Variants in VWA8 observed in about 807,000 individuals in gnomAD.
The protein encoded by VWA8 is von Willebrand factor A domain-containing protein 8.
A neutral mutation model predicts 241.5 loss-of-function variants in VWA8; 221 were observed. The observed-to-expected ratio is 0.91, with a 90% CI of 0.82 to 1.02. VWA8 has a LOEUF of 1.02. VWA8 is among the 50% of genes least tolerant of loss of function. The pLI, the probability that VWA8 is intolerant of heterozygous loss-of-function variation, is 0.00. For synonymous variants in VWA8, 852 were observed against 827.1 expected, an observed-to-expected ratio of 1.03 and a Z score of -0.52; for missense variants, 2,322 against 2,328.7, an observed-to-expected ratio of 1.00 and a Z score of 0.06.
chr13:41,692,855 T>G lies in VWA8; in HGVS notation c.3675+7A>C, dbSNP rs757847786. The G allele has an allele frequency of 6.2e-7, 1 of 1,601,588 alleles. No homozygotes were observed. ...GCAATTTGTGGGACAAATGTGGTGT[T>G]TCTTACAGCTTCTTCTTTGTTCCAC... On this transcript the variant is annotated splice_region_variant and intron_variant, in intron 30 of 44. Coordinates refer to ENST00000379310, the MANE Select transcript of VWA8 (RefSeq NM_015058.2).
At chr13:41,791,494 C>T (rs1409888376) in intron 17 of VWA8, among the ~76,000 whole-genome samples, 1 of 151,768 alleles carries the variant, frequency 6.6e-6, no homozygotes, top group Non-Finnish European at 1.5e-5. Flanking sequence ...ATTAAACATT[C>T]TATTCATCTC....
At chr13:41,810,235 T>A (rs78675924) in intron 17 of VWA8, among the ~76,000 whole-genome samples, 1 of 152,090 alleles carries the variant, frequency 6.6e-6, no homozygotes, top group Non-Finnish European at 1.5e-5. Flanking sequence ...AACAACCATA[T>A]GACACACCAA....
chr13:41,706,035 C>A (rs2045280585), intron 26 of VWA8, among the ~76,000 whole-genome samples: 1 of 152,098 alleles, frequency 6.6e-6, no homozygotes. Context: ...TTAAAACAAT[C>A]TTTGGTTGAT....
intron 2 of VWA8, among the ~76,000 whole-genome samples, chr13:41,927,518 C>T (rs7318638): frequency 0.23 from 34,462 of 150,834 alleles, 4,000 homozygotes; most frequent in East Asian, 0.29. Context: ...TCCTTGTTAC[C>T]AAATAAACCA....
intron 37 of VWA8, among the ~76,000 whole-genome samples, chr13:41,666,664 G>T (rs188938990): frequency 9.1e-4 from 138 of 152,170 alleles, no homozygotes; most frequent in Admixed American, 2.0e-3. Flanking sequence ...TAGTTTACTA[G>T]CACGCCACCG....
chr13:41,647,857 C>T (rs1238493183), intron 37 of VWA8, among the ~76,000 whole-genome samples: 3 of 151,992 alleles, frequency 2.0e-5, no homozygotes, highest in Admixed American at 6.6e-5. Flanking sequence ...GGTATCATGA[C>T]GCATGCCTGT....
chr13:41,772,918 T>A (rs1197176122), intron 20 of VWA8, among the ~76,000 whole-genome samples: 1 of 152,238 alleles, frequency 6.6e-6, no homozygotes, highest in Non-Finnish European at 1.5e-5. Flanking sequence ...CCCATTTTCT[T>A]TAATTTCCTC....
chr13:41,711,313 A>T (rs556200090), intron 26 of VWA8, among the ~76,000 whole-genome samples: 6 of 152,272 alleles, frequency 3.9e-5, no homozygotes, highest in Admixed American at 6.5e-5. Flanking sequence ...AATCCTCTCA[A>T]GTGCCTCCCC....
At chr13:41,765,266 C>A (rs1198492426) in intron 20 of VWA8, among the ~76,000 whole-genome samples, 1 of 152,168 alleles carries the variant, frequency 6.6e-6, no homozygotes, top group Non-Finnish European at 1.5e-5. Flanking sequence ...TCCTTCCTCT[C>A]CAATTCACTG....
chr13:41,782,231 C>G (rs950623250), intron 19 of VWA8, among the ~76,000 whole-genome samples: 1 of 152,242 alleles, frequency 6.6e-6, no homozygotes, highest in African/African-American at 2.4e-5. Context: ...ACCATGGCAA[C>G]AGACATTGTG....
At chr13:41,598,276 A>G (rs1000480701) in intron 40 of VWA8, among the ~76,000 whole-genome samples, 17 of 152,010 alleles carry the variant, frequency 1.1e-4, no homozygotes, top group African/African-American at 4.1e-4. Context: ...CTCTATACCA[A>G]TTTAACTAAC....
rs140177608 is a variant in VWA8 at position 41,863,395 on chromosome 13, TTGTGTGTG to T, written c.1425+2333_1425+2340del. Among the ~76,000 whole-genome samples, 663 of 89,538 alleles carry T rather than the reference TTGTGTGTG, an allele frequency of 7.4e-3. 2 individuals carry two copies. Among genetic ancestry groups the T allele is most frequent in the Middle Eastern group, 0.019 (3 of 158 alleles). 58.7% of individuals were successfully genotyped at this position (89,538 alleles called of 152,430 possible). A position where few individuals can be genotyped will look rare whatever the true frequency, so the allele number is the denominator to read the frequency against. The stretch of plus-strand genomic sequence containing the variant: ...ATATGTGTGTGTGTGTATCTCCTAT[TTGTGTGTG>T]TGTGTGTGTGTGTGTGTGTGTGTGT... On this transcript the variant is annotated intron_variant, in intron 12 of 44. Transcript: ENST00000379310.
intron 8 of VWA8, 26 bp downstream of exon 8, chr13:41,885,894 G>T: frequency 6.7e-7 from 1 of 1,495,508 alleles, no homozygotes; most frequent in African/African-American, 1.4e-5. Flanking sequence ...ATTTGGGTAT[G>T]CCAGTCATTA....
intron 9 of VWA8, among the ~76,000 whole-genome samples, chr13:41,872,268 C>T (rs1289470625): frequency 1.3e-5 from 2 of 152,168 alleles, no homozygotes; most frequent in Non-Finnish European, 2.9e-5. Context: ...CCTGTTCACT[C>T]TGATGGTAGT....
intron 44 of VWA8, 83 bp downstream of exon 44, chr13:41,570,385 G>A: frequency 1.6e-6 from 2 of 1,243,246 alleles, no homozygotes; most frequent in Non-Finnish European, 2.3e-6. Flanking sequence ...TGTCCCTCAT[G>A]GTGCTAAGCC....
At chr13:41,853,739 CTTCACTT>C (rs1396334105) in intron 12 of VWA8, among the ~76,000 whole-genome samples, 2 of 152,062 alleles carry the variant, frequency 1.3e-5, no homozygotes, top group Non-Finnish European at 2.9e-5. Flanking sequence ...AATCTTGTCT[CTTCACTT>C]ATTCATCTAG....
intron 43 of VWA8, among the ~76,000 whole-genome samples, chr13:41,573,486 A>AAAAAATATAT: frequency 2.6e-5 from 3 of 113,600 alleles, no homozygotes; most frequent in East Asian, 5.3e-4. Context: ...AAAAAAAAAA[A>AAAAAATATAT]ATATATATAT....
intron 22 of VWA8, among the ~76,000 whole-genome samples, chr13:41,730,535 G>T (rs909395866): frequency 6.6e-6 from 1 of 152,088 alleles, no homozygotes; most frequent in South Asian, 2.1e-4. Context: ...TGAAGGTTTT[G>T]TAGGGACAGA....
intron 28 of VWA8, among the ~76,000 whole-genome samples, chr13:41,700,440 T>C (rs1177050815): frequency 1.3e-5 from 2 of 152,156 alleles, no homozygotes; most frequent in African/African-American, 4.8e-5. Flanking sequence ...GTTTCAATTA[T>C]CAGATAGAAC....
Sources: allele counts gnomAD v4.1 joint callset (sites outside exome capture counted in the v4.1 genomes callset), GRCh38; gene constraint gnomAD v4.1.1; transcripts MANE v1.5; gene names NCBI Gene and HGNC (gene_info 2026-07-23, HGNC 2026-07-21).